Variants in CBFA2T3 observed in about 807,000 individuals in gnomAD.
CBFA2T3 encodes the protein CBFA2/RUNX1 partner transcriptional co-repressor 3.
CBFA2T3 carries 31 observed loss-of-function variants against 58.6 expected under a neutral mutation model. The ratio of observed to expected loss-of-function variants is 0.53; its 90% CI spans 0.40 to 0.71. CBFA2T3 has a LOEUF of 0.71. Among genes scored for constraint, CBFA2T3 ranks in the 30% least tolerant of loss-of-function variants. The pLI, the probability that CBFA2T3 is intolerant of heterozygous loss-of-function variation, is 0.00. For synonymous variants in CBFA2T3, 531 were observed against 421.9 expected, an observed-to-expected ratio of 1.26 and a Z score of -3.17; for missense variants, 1,076 against 963.1, an observed-to-expected ratio of 1.12 and a Z score of -1.55.
chr16:88,956,704 C>T (rs544045446), intron 1 of CBFA2T3, among the ~76,000 whole-genome samples: 8 of 152,330 alleles, frequency 5.3e-5, no homozygotes, highest in Admixed American at 2.6e-4. Context: ...ACCCTGCTGG[C>T]GGAGCCCTGG....
intron 1 of CBFA2T3, among the ~76,000 whole-genome samples, chr16:88,932,993 G>T (rs1312492911): frequency 1.3e-5 from 2 of 151,992 alleles, no homozygotes; most frequent in African/African-American, 4.8e-5. Flanking sequence ...AGAAAGAAAA[G>T]AAAAATGGCC....
chr16:88,928,847 A>T (rs1971175827), intron 1 of CBFA2T3, among the ~76,000 whole-genome samples: 1 of 152,206 alleles, frequency 6.6e-6, no homozygotes, highest in African/African-American at 2.4e-5. Context: ...GGCCTGAAGG[A>T]GGGCAGCTGG....
At position 88,885,464 on chromosome 16, in the gene CBFA2T3, C is replaced by A. The variant is rs1343873798; in HGVS notation, c.894-195G>T. Among the ~76,000 whole-genome samples the A allele has an allele frequency of 6.6e-6, 1 of 152,094 alleles. No individual in the cohort carries two copies. Among genetic ancestry groups the A allele is most frequent in the Non-Finnish European group, 1.5e-5 (1 of 67,978 alleles). On this transcript the variant is annotated intron_variant, in intron 6 of 11. Coordinates refer to ENST00000268679, the MANE Select transcript of CBFA2T3 (RefSeq NM_005187.6). This position sits in a 1 kb window ranked among gnomAD's most constrained non-coding sequence, Gnocchi z 5.3. Reference sequence around the variant, plus strand: ...CCCACTCTCTGCCCCTCTGCCGGGGCCCATGCCAGCCTCAACCCCTGCTCC... The same window carrying A: ...CCCACTCTCTGCCCCTCTGCCGGGGACCATGCCAGCCTCAACCCCTGCTCC...
chr16:88,970,516 C>T (rs1433510854), intron 1 of CBFA2T3, among the ~76,000 whole-genome samples: 1 of 152,198 alleles, frequency 6.6e-6, no homozygotes, highest in Non-Finnish European at 1.5e-5. Context: ...CCTGACCTTT[C>T]TGATTTGTGT....
chr16:88,963,104 G>A lies in CBFA2T3; in HGVS notation c.151+13553C>T, dbSNP rs185423681. On this transcript the variant is annotated intron_variant, in intron 1 of 11. Transcript: ENST00000268679. ...CGTAGCTGGGCCTGGCAGGATGCTG[G>A]GGGTGCTTCTTCAAATCTGGAGGGG... Among the ~76,000 whole-genome samples, 287 of 152,298 alleles carry A rather than the reference G, an allele frequency of 1.9e-3. 1 individual carries two copies. Among genetic ancestry groups the A allele is most frequent in the African/African-American group, 6.5e-3 (269 of 41,556 alleles).
intron 1 of CBFA2T3, among the ~76,000 whole-genome samples, chr16:88,901,918 C>T (rs540717704): frequency 1.1e-4 from 16 of 152,308 alleles, no homozygotes; most frequent in South Asian, 2.1e-4. Flanking sequence ...GGCCGCCCTG[C>T]GAGAGCCGTG....
rs570524914 is a variant in CBFA2T3, at chr16:88,917,060, T to C, written c.152-15404A>G. Among the ~76,000 whole-genome samples the C allele has an allele frequency of 2.1e-3, 308 of 143,642 alleles. 3 individuals are homozygous for C. The highest frequency in any genetic ancestry group is 7.7e-3 in the African/African-American group (295 of 38,150). 94.2% of individuals were successfully genotyped at this position (143,642 alleles called of 152,430 possible). On this transcript the variant is annotated intron_variant, in intron 1 of 11. Coordinates refer to ENST00000268679, the MANE Select transcript of CBFA2T3 (RefSeq NM_005187.6). ...CTGCACTCCAGCCTAGGTGACACCG[T>C]GACTCTGTCTCAAAAAAAAAAAAAA... is the stretch of plus-strand genomic sequence containing the variant.
chr16:88,950,446 C>A (rs1305763113), intron 1 of CBFA2T3: 8 of 415,948 alleles, frequency 1.9e-5, no homozygotes, highest in Non-Finnish European at 3.3e-5. Context: ...AGTGTTGGCA[C>A]CTGTCTTCCG....
In CBFA2T3 at chr16:88,976,905, G is replaced by T; in HGVS notation, c.-98C>A. On this transcript the variant is annotated 5_prime_UTR_variant, in exon 1 of 12. Transcript: ENST00000268679. ...CTGCAGCCTTGAGGGAAAGAGGAGG[G>T]GCTGGGCCAGCTGGGGCGTCCTGGA... 2 of 1,421,466 alleles carry T rather than the reference G, an allele frequency of 1.4e-6. No homozygotes were observed. The highest frequency in any genetic ancestry group is 5.1e-5 in the East Asian group (2 of 39,484). 88.1% of individuals were successfully genotyped at this position (1,421,466 alleles called of 1,614,324 possible). A position where few individuals can be genotyped will look rare whatever the true frequency, so the allele number is the denominator to read the frequency against.
chr16:88,929,440 G>T (rs1971202970), intron 1 of CBFA2T3, among the ~76,000 whole-genome samples: 1 of 152,238 alleles, frequency 6.6e-6, no homozygotes, highest in African/African-American at 2.4e-5. Context: ...AAACCCCGTG[G>T]ACAATTAAAC....
intron 1 of CBFA2T3, among the ~76,000 whole-genome samples, chr16:88,935,664 T>C (rs1204863592): frequency 6.6e-6 from 1 of 152,156 alleles, no homozygotes; most frequent in Non-Finnish European, 1.5e-5. Flanking sequence ...CACCCCATTT[T>C]GCAAAGGTGC....
intron 1 of CBFA2T3, chr16:88,939,640 C>T (rs1971637396): frequency 6.6e-6 from 1 of 152,356 alleles, no homozygotes; most frequent in South Asian, 2.1e-4. Flanking sequence ...CCTGTCTGGC[C>T]CCTGTGGAAG....
At chr16:88,967,452 G>A (rs1226814172) in intron 1 of CBFA2T3, among the ~76,000 whole-genome samples, 1 of 152,044 alleles carries the variant, frequency 6.6e-6, no homozygotes, top group African/African-American at 2.4e-5. Context: ...TTTCACAGAT[G>A]TGCCGGAGAC....
At chr16:88,879,762 T>C (rs983911844) in intron 10 of CBFA2T3, 1 of 381,892 alleles carries the variant, frequency 2.6e-6, no homozygotes, top group South Asian at 5.7e-5. Context: ...AGTCAAAGCT[T>C]GCACTCTACC....
rs1968774235 is a variant in CBFA2T3 at position 88,874,929 on chromosome 16, A to ATTCG, written c.*2046_*2047insCGAA. 3 of 232,954 alleles carry ATTCG rather than the reference A, an allele frequency of 1.3e-5. No individual in the cohort carries two copies. The highest frequency in any genetic ancestry group is 2.6e-5 in the Non-Finnish European group (3 of 117,644). The allele number at this position is 232,954 out of a possible 1,614,324, so 14.4% of individuals were successfully genotyped here. On this transcript the variant is annotated 3_prime_UTR_variant, in exon 12 of 12. Coordinates refer to ENST00000268679, the MANE Select transcript of CBFA2T3 (RefSeq NM_005187.6). Reference sequence around the variant, plus strand: ...ATGAATATCATTTGGACCTCTGCAAAGACTATATACATTCACATTAACGTA... The same window carrying ATTCG: ...ATGAATATCATTTGGACCTCTGCAAATTCGGACTATATACATTCACATTAACGTA...
intron 1 of CBFA2T3, among the ~76,000 whole-genome samples, chr16:88,944,226 A>C (rs1597773378): frequency 6.6e-6 from 1 of 150,676 alleles, no homozygotes. Flanking sequence ...AGTCCCAGCT[A>C]CTCGGGAGGC....
At chr16:88,915,742 TG>T (rs1224169592) in intron 1 of CBFA2T3, among the ~76,000 whole-genome samples, 11 of 14,472 alleles carry the variant, frequency 7.6e-4, no homozygotes, top group South Asian at 2.0e-3. Flanking sequence ...AGGGGGAGCG[TG>T]GGGGGGGAGT....
chr16:88,906,936 G>A (rs529115559), intron 1 of CBFA2T3, among the ~76,000 whole-genome samples: 1 of 152,214 alleles, frequency 6.6e-6, no homozygotes, highest in Admixed American at 6.5e-5. Context: ...CACATAGGCC[G>A]AAGGGACGCT....
At chr16:88,936,604 G>T (rs1374799576) in intron 1 of CBFA2T3, among the ~76,000 whole-genome samples, 1 of 152,234 alleles carries the variant, frequency 6.6e-6, no homozygotes, top group East Asian at 1.9e-4. Flanking sequence ...TGGCTAAGCG[G>T]GCGGGAAACG....
Sources: gnomAD v4.1 joint callset for allele counts (sites outside exome capture counted in the v4.1 genomes callset) on GRCh38, gnomAD v4.1.1 for gene constraint, Gnocchi (gnomAD v3.1) non-coding constraint, MANE v1.5 for transcripts, NCBI Gene and HGNC (gene_info 2026-07-23, HGNC 2026-07-21) for gene names.